Variants in GRID2 observed in about 807,000 individuals in gnomAD.
GRID2 encodes the protein glutamate receptor ionotropic, delta-2.
Under a neutral mutation model 114.8 loss-of-function variants are expected in GRID2, and 33 were observed. That is an observed-to-expected ratio of 0.29 (90% CI 0.22 to 0.38). The LOEUF is 0.38. GRID2 is among the 10% of genes least tolerant of loss of function. The pLI is 1.00. For synonymous variants in GRID2, 505 were observed against 449.9 expected, an observed-to-expected ratio of 1.12 and a Z score of -1.55; for missense variants, 1,184 against 1,257.7, an observed-to-expected ratio of 0.94 and a Z score of 0.89.
chr4:93,141,590 A>G (rs1735773354), intron 4 of GRID2, among the ~76,000 whole-genome samples: 1 of 152,248 alleles, frequency 6.6e-6, no homozygotes, highest in Non-Finnish European at 1.5e-5. Flanking sequence ...ATGTGTTGAA[A>G]TGATTACAAA....
chr4:93,160,299 G>C (rs766542337), intron 4 of GRID2, among the ~76,000 whole-genome samples: 1 of 151,616 alleles, frequency 6.6e-6, no homozygotes, highest in Non-Finnish European at 1.5e-5. Context: ...TAATATCATT[G>C]AATGCTTAAG....
chr4:93,749,234 T>C (rs1030332066), intron 14 of GRID2, among the ~76,000 whole-genome samples: 2 of 152,186 alleles, frequency 1.3e-5, no homozygotes, highest in Admixed American at 1.3e-4. Flanking sequence ...TGCCCTTAGG[T>C]ATTGTTCAAA....
intron 2 of GRID2, among the ~76,000 whole-genome samples, chr4:92,721,100 T>G (rs1310295437): frequency 6.6e-6 from 1 of 152,030 alleles, no homozygotes; most frequent in Non-Finnish European, 1.5e-5. Context: ...ACACCTAGAC[T>G]AGTCAAATTT....
intron 3 of GRID2, among the ~76,000 whole-genome samples, chr4:93,087,936 T>C (rs927590940): frequency 6.6e-6 from 1 of 152,152 alleles, no homozygotes; most frequent in Non-Finnish European, 1.5e-5. Context: ...ACATTGGAAT[T>C]GTATGTGACT....
In GRID2 at chr4:93,211,640, T is replaced by A. The variant is rs527566381; in HGVS notation, c.789+4183T>A. ...TTCACCATCACCATCATTGAAACCG[T>A]TATCTCTTTCTTACCCACAGCCCTA... On this transcript the variant is annotated intron_variant, in intron 5 of 15. Transcript: ENST00000282020. 3.0e-4 allele frequency among the ~76,000 whole-genome samples: 46 copies of A among 152,270 alleles called. No homozygotes were observed. In the South Asian group the frequency reaches 8.9e-3, roughly 29 times the overall value.
At chr4:93,758,123 A>AT (rs1732908785) in intron 14 of GRID2, among the ~76,000 whole-genome samples, 1 of 152,206 alleles carries the variant, frequency 6.6e-6, no homozygotes, top group Admixed American at 6.5e-5. Flanking sequence ...GTTACTGTCT[A>AT]AACACTCTAC....
At chr4:92,540,682 T>G (rs1247833633) in intron 1 of GRID2, among the ~76,000 whole-genome samples, 3 of 152,186 alleles carry the variant, frequency 2.0e-5, no homozygotes, top group Non-Finnish European at 4.4e-5. Flanking sequence ...GGAACACTTC[T>G]ACACTGTTGG....
intron 8 of GRID2, among the ~76,000 whole-genome samples, chr4:93,259,572 GTAAA>G (rs750270684): frequency 2.0e-5 from 3 of 151,636 alleles, no homozygotes; most frequent in Non-Finnish European, 4.4e-5. Context: ...AGCTAATTAA[GTAAA>G]TAAATAAAAT....
chr4:92,391,507 T>C (rs1325648103), intron 1 of GRID2, among the ~76,000 whole-genome samples: 1 of 152,112 alleles, frequency 6.6e-6, no homozygotes, highest in East Asian at 1.9e-4. Flanking sequence ...CTGTATATCA[T>C]GAAAATGATA....
intron 2 of GRID2, among the ~76,000 whole-genome samples, chr4:93,031,081 G>A (rs932705715): frequency 3.6e-4 from 48 of 132,870 alleles, no homozygotes; most frequent in Admixed American, 1.1e-3. Context: ...CTGTCGCCCA[G>A]ACTGGAGTGC....
chr4:92,601,625 A>G (rs1038044756), intron 2 of GRID2, among the ~76,000 whole-genome samples: 1 of 152,172 alleles, frequency 6.6e-6, no homozygotes, highest in African/African-American at 2.4e-5. Context: ...TAAGAGAAAT[A>G]GAAAACTAAG....
chr4:92,748,286 A>G (rs1737254979), intron 2 of GRID2, among the ~76,000 whole-genome samples: 1 of 152,196 alleles, frequency 6.6e-6, no homozygotes, highest in Admixed American at 6.5e-5. Flanking sequence ...ACACAAATAA[A>G]TGAAAAAACA....
chr4:93,517,978 CATG>C (rs1729936716), intron 13 of GRID2, among the ~76,000 whole-genome samples: 3 of 42,532 alleles, frequency 7.1e-5, no homozygotes, highest in African/African-American at 2.3e-4. Context: ...CATACATGTA[CATG>C]TATGTATATA....
At chr4:92,802,755 G>T (rs1740237182) in intron 2 of GRID2, among the ~76,000 whole-genome samples, 1 of 151,838 alleles carries the variant, frequency 6.6e-6, no homozygotes, top group African/African-American at 2.4e-5. Flanking sequence ...GGTTATAGCA[G>T]CTTTATAGTA....
chr4:92,937,465 G>A (rs900568849), intron 2 of GRID2, among the ~76,000 whole-genome samples: 3 of 146,430 alleles, frequency 2.0e-5, no homozygotes, highest in African/African-American at 7.3e-5. Flanking sequence ...TCAAAAAATG[G>A]TCTTGGCACC....
intron 2 of GRID2, among the ~76,000 whole-genome samples, chr4:92,663,517 G>A (rs979923409): frequency 3.3e-5 from 5 of 151,158 alleles, no homozygotes; most frequent in Non-Finnish European, 5.9e-5. Context: ...TAGTTGTCTA[G>A]TATACAGACA....
intron 13 of GRID2, among the ~76,000 whole-genome samples, chr4:93,541,821 T>A (rs1238467117): frequency 6.6e-6 from 1 of 152,202 alleles, no homozygotes; most frequent in Non-Finnish European, 1.5e-5. Flanking sequence ...CACTAATGCA[T>A]AATCAGCAAG....
intron 1 of GRID2, among the ~76,000 whole-genome samples, chr4:92,440,826 A>G (rs1403674999): frequency 1.3e-5 from 2 of 152,152 alleles, no homozygotes; most frequent in East Asian, 1.9e-4. Context: ...CAAGTGTGGT[A>G]TCAGGAATAA....
chr4:92,868,701 T>G (rs1484356502), intron 2 of GRID2, among the ~76,000 whole-genome samples: 1 of 150,418 alleles, frequency 6.6e-6, no homozygotes, highest in Non-Finnish European at 1.5e-5. Context: ...AACTACATTT[T>G]ATGTAGTGTG....
Sources: gnomAD v4.1 joint callset for allele counts (sites outside exome capture counted in the v4.1 genomes callset) on GRCh38, gnomAD v4.1.1 for gene constraint, MANE v1.5 for transcripts, NCBI Gene and HGNC (gene_info 2026-07-23, HGNC 2026-07-21) for gene names.